CPXM2: variants seen among roughly 807,000 people sequenced by gnomAD.
CPXM2 encodes the protein carboxypeptidase X, M14 family member 2, also known as inactive carboxypeptidase-like protein X2.
In CPXM2, 66 loss-of-function variants were observed where a neutral mutation model predicts 86.1. That is an observed-to-expected ratio of 0.77 (90% CI 0.63 to 0.94). The LOEUF is 0.94. CPXM2 is among the 40% of genes least tolerant of loss of function. The pLI is 0.00. For synonymous variants in CPXM2, 388 were observed against 400.2 expected (o/e 0.97, Z 0.36); for missense variants, 948 against 1,026.3 (o/e 0.92, Z 1.04).
chr10:123,765,224 C>T (rs993556572), intron 10 of CPXM2, among the ~76,000 whole-genome samples: 14 of 152,170 alleles, frequency 9.2e-5, no homozygotes, highest in African/African-American at 2.9e-4. Flanking sequence ...AATTCTTATA[C>T]GTCCCTTATG....
At chr10:123,806,171 G>T (rs1590020757) in intron 4 of CPXM2, among the ~76,000 whole-genome samples, 1 of 152,176 alleles carries the variant, frequency 6.6e-6, no homozygotes. Context: ...TATGCTGATA[G>T]TACGCTTTTT....
intron 6 of CPXM2, among the ~76,000 whole-genome samples, chr10:123,793,529 A>G (rs1054170584): frequency 6.6e-6 from 1 of 151,134 alleles, no homozygotes; most frequent in African/African-American, 2.4e-5. Flanking sequence ...GCCAAAGCTC[A>G]TGTCCCTTCT....
At chr10:123,904,725 T>C (rs1353303924) in intron 2 of CPXM2, among the ~76,000 whole-genome samples, 1 of 152,206 alleles carries the variant, frequency 6.6e-6, no homozygotes, top group East Asian at 1.9e-4. Context: ...TCTCCTTTTC[T>C]GGCCAAGTTC....
chr10:123,852,890 T>C (rs1371162111), intron 3 of CPXM2, among the ~76,000 whole-genome samples: 3 of 152,140 alleles, frequency 2.0e-5, no homozygotes, highest in Non-Finnish European at 1.5e-5. Flanking sequence ...GTTTCCCTTC[T>C]CTCCATAGTA....
At chr10:123,789,121 G>T (rs560874078) in intron 6 of CPXM2, among the ~76,000 whole-genome samples, 24 of 152,284 alleles carry the variant, frequency 1.6e-4, no homozygotes, top group East Asian at 7.7e-4. Context: ...GCTGTCTGAG[G>T]CAGTCACCTT....
intron 2 of CPXM2, among the ~76,000 whole-genome samples, chr10:123,907,566 C>G (rs143850489): frequency 6.6e-6 from 1 of 151,264 alleles, no homozygotes; most frequent in Admixed American, 6.6e-5. Context: ...TTAGGTGACA[C>G]GGCACCATCC....
intron 2 of CPXM2, among the ~76,000 whole-genome samples, chr10:123,868,214 G>A (rs933478324): frequency 2.0e-5 from 3 of 152,180 alleles, no homozygotes; most frequent in Admixed American, 1.3e-4. Context: ...CCTTAGGCCA[G>A]CGCCCAAGGC....
intron 4 of CPXM2, among the ~76,000 whole-genome samples, chr10:123,808,049 T>G: frequency 6.6e-6 from 1 of 152,256 alleles, no homozygotes; most frequent in Non-Finnish European, 1.5e-5. Context: ...TAAAAAATTT[T>G]AAAACAAAAC....
chr10:123,814,716 G>A (rs1293175876), intron 4 of CPXM2, among the ~76,000 whole-genome samples: 1 of 152,118 alleles, frequency 6.6e-6, no homozygotes, highest in Non-Finnish European at 1.5e-5. Flanking sequence ...TCCTTGTTGT[G>A]AACTGTTTAG....
At position 123,779,025 on chromosome 10, in the gene CPXM2, G is replaced by A. The variant is rs548114339; in HGVS notation, c.978+1142C>T. ...GTTCATTCCATGGGATTGGAGCTCC[G>A]CTTAATTACTCTGACCTCAGAAACA... On this transcript the variant is annotated intron_variant, in intron 7 of 13. Coordinates refer to ENST00000241305, the MANE Select transcript of CPXM2 (RefSeq NM_198148.3). Among the ~76,000 whole-genome samples the A allele has an allele frequency of 2.0e-4, 31 of 152,320 alleles. No homozygotes were observed. The South Asian group carries it at 2.7e-3, about 13-fold the overall frequency.
At chr10:123,884,080 C>G (rs1000822016) in intron 1 of CPXM2, among the ~76,000 whole-genome samples, 2 of 152,034 alleles carry the variant, frequency 1.3e-5, no homozygotes, top group African/African-American at 4.8e-5. Context: ...CTTACAGTAG[C>G]AACCCCCAGA....
At chr10:123,896,889 G>A (rs1945342216), upstream of CPXM2, among the ~76,000 whole-genome samples, 1 of 152,204 alleles carries the variant, frequency 6.6e-6, no homozygotes, top group Non-Finnish European at 1.5e-5. Context: ...TGTTTGCACT[G>A]CCTCTGGTCT....
At chr10:123,830,661 TCCAACA>T (rs1848145165) in intron 4 of CPXM2, among the ~76,000 whole-genome samples, 1 of 152,150 alleles carries the variant, frequency 6.6e-6, no homozygotes, top group African/African-American at 2.4e-5. Flanking sequence ...ACAGCTGCAT[TCCAACA>T]GGTTAGCGGG....
At chr10:123,847,570 C>A (rs533474627) in intron 3 of CPXM2, among the ~76,000 whole-genome samples, 1 of 151,974 alleles carries the variant, frequency 6.6e-6, no homozygotes, top group Admixed American at 6.6e-5. Context: ...CCCAAAGAGA[C>A]AATTAAAAAG....
In CPXM2 at chr10:123,885,353, T is replaced by C. The variant is rs1945164423; in HGVS notation, c.305-5044A>G. Among the ~76,000 whole-genome samples, 1 of 152,144 alleles carries C rather than the reference T, an allele frequency of 6.6e-6. No individual in the cohort carries two copies. Among genetic ancestry groups the C allele is most frequent in the Non-Finnish European group, 1.5e-5 (1 of 68,038 alleles). ...CTCCTCCAAAAGCTCGGGTTATTAA[T>C]TGTTCCCATGCCATCGTGAGGAACT... On this transcript the variant is annotated intron_variant, in intron 1 of 13. Coordinates refer to ENST00000241305, the MANE Select transcript of CPXM2 (RefSeq NM_198148.3). This position sits in a 1 kb window ranked among gnomAD's most constrained non-coding sequence, Gnocchi z 4.0.
chr10:123,747,409 C>T (rs1406668688), intron 13 of CPXM2, among the ~76,000 whole-genome samples: 1 of 152,220 alleles, frequency 6.6e-6, no homozygotes, highest in Non-Finnish European at 1.5e-5. Context: ...CTTAGCATGG[C>T]TGCAAGTACA....
chr10:123,923,547 C>CCGCAG (rs1945595749), intron 2 of CPXM2, among the ~76,000 whole-genome samples: 5 of 151,314 alleles, frequency 3.3e-5, no homozygotes, highest in Non-Finnish European at 7.4e-5. Context: ...CGCCACTGCA[C>CCGCAG]TCCAGCCTGG....
chr10:123,886,572 G>C (rs1456920757), intron 1 of CPXM2, among the ~76,000 whole-genome samples: 3 of 152,064 alleles, frequency 2.0e-5, no homozygotes, highest in Non-Finnish European at 4.4e-5. Context: ...CAAATTCCAC[G>C]GGCTCAAGAC....
rs564221525 is a variant in CPXM2 at position 123,904,504 on chromosome 10, G to A, written n.175-24195C>T. On this transcript the variant is annotated intron_variant and non_coding_transcript_variant, in intron 2 of 19. Transcript: ENST00000368854. ...GTAAACAGGTTAACACATGCAGAGTGTTTGGATCAGGGCCTCGACGTCAGG... is the reference window on the plus strand; with the variant it reads ...GTAAACAGGTTAACACATGCAGAGTATTTGGATCAGGGCCTCGACGTCAGG... 7.2e-5 allele frequency among the ~76,000 whole-genome samples: 11 copies of A among 152,292 alleles called. No individual in the cohort carries two copies. In the East Asian group the frequency reaches 2.1e-3, roughly 29 times the overall value.
Sources: gnomAD v4.1 joint callset for allele counts (sites outside exome capture counted in the v4.1 genomes callset) on GRCh38, gnomAD v4.1.1 for gene constraint, Gnocchi (gnomAD v3.1) non-coding constraint, MANE v1.5 for transcripts, NCBI Gene and HGNC (gene_info 2026-07-23, HGNC 2026-07-21) for gene names.